Variants in CCDC7 observed in about 807,000 individuals in gnomAD.
CCDC7 encodes coiled-coil domain-containing protein 7.
A neutral mutation model predicts 196.9 loss-of-function variants in CCDC7; 183 were observed. That is an observed-to-expected ratio of 0.93 (90% CI 0.82 to 1.05). The LOEUF (loss-of-function observed/expected upper bound fraction) is 1.05. CCDC7 is among the 50% of genes least tolerant of loss of function. CCDC7 has a pLI of 0.00. For synonymous variants in CCDC7, 525 were observed against 484.6 expected (o/e 1.08, Z -1.10); for missense variants, 1,540 against 1,482.2 (o/e 1.04, Z -0.64).
intron 18 of CCDC7, among the ~76,000 whole-genome samples, chr10:32,617,097 C>T (rs1470664933): frequency 6.6e-6 from 1 of 151,800 alleles, no homozygotes; most frequent in East Asian, 1.9e-4. Context: ...TGATAATAGT[C>T]ACTGATGATA....
rs146687464 is a variant in CCDC7 at position 32,769,095 on chromosome 10, T to A, written c.2906-9882T>A. Among the ~76,000 whole-genome samples, 132 of 152,300 alleles carry A rather than the reference T, an allele frequency of 8.7e-4. 1 individual carries two copies. Among genetic ancestry groups the A allele is most frequent in the African/African-American group, 2.9e-3 (120 of 41,588 alleles). On this transcript the variant is annotated intron_variant, in intron 28 of 41. Coordinates refer to ENST00000639629, the Ensembl canonical transcript of CCDC7. ...AACAGGATTGGTACCAGTTCCTCTT[T>A]GCACATTTGGTAGAATTTGGCTGTC...
chr10:32,700,022 G>A (rs1170504612), intron 24 of CCDC7, among the ~76,000 whole-genome samples: 1 of 149,384 alleles, frequency 6.7e-6, no homozygotes, highest in African/African-American at 2.6e-5. Flanking sequence ...CACTCTGATG[G>A]TAGTTTCTTT....
chr10:32,688,008 C>T (rs2076657797), intron 22 of CCDC7, among the ~76,000 whole-genome samples: 1 of 152,026 alleles, frequency 6.6e-6, no homozygotes, highest in Non-Finnish European at 1.5e-5. Context: ...ATGAGTGGGC[C>T]AAACTTTCAG....
At chr10:32,506,863 G>C (rs2045263682) in intron 9 of CCDC7, among the ~76,000 whole-genome samples, 1 of 152,052 alleles carries the variant, frequency 6.6e-6, no homozygotes, top group Non-Finnish European at 1.5e-5. Context: ...AAAGGGGAGA[G>C]GGAGAGGGAG....
At chr10:32,856,426 T>A (rs1428129057) in intron 41 of CCDC7, among the ~76,000 whole-genome samples, 2 of 152,172 alleles carry the variant, frequency 1.3e-5, no homozygotes, top group African/African-American at 2.4e-5. Context: ...AACACTAATC[T>A]GATCTGATCA....
chr10:32,882,740 CT>C (rs1429356232), exon 23 of CCDC7: 1 of 152,060 alleles, frequency 6.6e-6, no homozygotes, highest in Non-Finnish European at 1.5e-5. Flanking sequence ...AAGATCAAGC[CT>C]TTTTGTTGCT....
At chr10:32,511,414 C>T in intron 9 of CCDC7, 1 of 1,609,982 alleles carries the variant, frequency 6.2e-7, no homozygotes, top group East Asian at 2.2e-5. Context: ...CACCTCTGTC[C>T]AGCTTGCCAG....
intron 11 of CCDC7, among the ~76,000 whole-genome samples, chr10:32,542,671 C>T (rs2051684266): frequency 6.7e-6 from 1 of 148,982 alleles, no homozygotes; most frequent in Non-Finnish European, 1.5e-5. Context: ...GCAACTTTCT[C>T]CATCTACCTT....
At chr10:32,609,867 G>A (rs1030999614) in intron 18 of CCDC7, among the ~76,000 whole-genome samples, 1 of 152,136 alleles carries the variant, frequency 6.6e-6, no homozygotes, top group Non-Finnish European at 1.5e-5. Flanking sequence ...TGCCATGATT[G>A]TAAGTTTTCT....
intron 28 of CCDC7, among the ~76,000 whole-genome samples, chr10:32,761,193 C>G (rs996922789): frequency 5.9e-5 from 9 of 152,086 alleles, no homozygotes; most frequent in African/African-American, 1.7e-4. Flanking sequence ...AGAGGGAATA[C>G]AGAAAGCACA....
chr10:32,538,560 C>T (rs1350585320), intron 11 of CCDC7, among the ~76,000 whole-genome samples: 1 of 152,160 alleles, frequency 6.6e-6, no homozygotes, highest in Non-Finnish European at 1.5e-5. Flanking sequence ...TTGTCTTGTG[C>T]TGGTTTTCAA....
intron 8 of CCDC7, among the ~76,000 whole-genome samples, chr10:32,488,236 G>T (rs956031595): frequency 5.9e-5 from 9 of 152,296 alleles, no homozygotes; most frequent in Non-Finnish European, 7.3e-5. Context: ...ATCTCAGCCT[G>T]CTGTGCTAGC....
chr10:32,452,646 TG>T (rs2033371923), intron 1 of CCDC7, among the ~76,000 whole-genome samples: 1 of 152,012 alleles, frequency 6.6e-6, no homozygotes, highest in South Asian at 2.1e-4. Flanking sequence ...TTAGTAGAGA[TG>T]GGGTTTCACC....
In CCDC7 at chr10:32,623,972, G is replaced by A. The variant is rs1278942852; in HGVS notation, c.1802-10282G>A. Among the ~76,000 whole-genome samples the A allele has an allele frequency of 2.6e-5, 4 of 152,108 alleles. No individual in the cohort carries two copies. In the South Asian group the frequency reaches 6.2e-4, roughly 24 times the overall value. On this transcript the variant is annotated intron_variant, in intron 18 of 41. Transcript: ENST00000639629. ...GTATAATCCAAACACCTCCCACCGGGCCCCACTTTCAACACTGAGGATTGC... is the reference window on the plus strand; with the variant it reads ...GTATAATCCAAACACCTCCCACCGGACCCCACTTTCAACACTGAGGATTGC...
At chr10:32,504,522 CTTTT>C (rs1564482465) in intron 9 of CCDC7, among the ~76,000 whole-genome samples, 1 of 152,064 alleles carries the variant, frequency 6.6e-6, no homozygotes, top group Non-Finnish European at 1.5e-5. Flanking sequence ...ATCATTATTT[CTTTT>C]TTAAGTAGAC....
At chr10:32,700,140 C>A (rs1019888984) in intron 24 of CCDC7, among the ~76,000 whole-genome samples, 1 of 149,320 alleles carries the variant, frequency 6.7e-6, no homozygotes, top group Non-Finnish European at 1.5e-5. Context: ...ATGCCTATGT[C>A]CTGAATGGTA....
Position 32,511,261 on chromosome 10 carries a change from C to CGGAG in CCDC7, c.873-6682_873-6681insAGGG, listed in dbSNP as rs1554812866. ...TGCCACAGAATTATTCTGTGGGGGG[C>CGGAG]GGGGGGGGCGGGGAAATGTACTTTT... On this transcript the variant is annotated intron_variant, in intron 9 of 41. Coordinates refer to ENST00000639629, the Ensembl canonical transcript of CCDC7. 7 of 383,208 alleles carry CGGAG rather than the reference C, an allele frequency of 1.8e-5. No homozygotes were observed. In the African/African-American group the frequency reaches 3.0e-4, roughly 16 times the overall value. 23.7% of individuals were successfully genotyped at this position (383,208 alleles called of 1,614,324 possible). A position where few individuals can be genotyped will look rare whatever the true frequency, so the allele number is the denominator to read the frequency against.
At chr10:32,636,486 T>C (rs1431443804) in intron 20 of CCDC7, among the ~76,000 whole-genome samples, 1 of 152,158 alleles carries the variant, frequency 6.6e-6, no homozygotes, top group Non-Finnish European at 1.5e-5. Flanking sequence ...GTGTTTGGTT[T>C]TTTGTCCTTG....
intron 25 of CCDC7, among the ~76,000 whole-genome samples, chr10:32,719,154 A>G (rs2082039975): frequency 1.3e-5 from 2 of 152,352 alleles, no homozygotes; most frequent in African/African-American, 4.8e-5. Flanking sequence ...CCAAAACAGC[A>G]TGGTACTGGT....
Sources: allele counts gnomAD v4.1 joint callset (sites outside exome capture counted in the v4.1 genomes callset), GRCh38; gene constraint gnomAD v4.1.1; transcripts MANE v1.5; gene names NCBI Gene and HGNC (gene_info 2026-07-23, HGNC 2026-07-21).